KIRREL3: variants seen among roughly 807,000 people sequenced by gnomAD.
KIRREL3 encodes the protein kirre like nephrin family adhesion molecule 3, also known as kin of IRRE-like protein 3.
Under a neutral mutation model 89.7 loss-of-function variants are expected in KIRREL3, and 36 were observed. The ratio of observed to expected loss-of-function variants is 0.40; its 90% CI spans 0.31 to 0.53. The LOEUF is 0.53. Ranked by LOEUF, KIRREL3 falls within the 20% of genes least tolerant of loss-of-function variation. KIRREL3 has a pLI of 0.49. For missense variants in KIRREL3, 864 were observed against 1,056.6 expected (o/e 0.82, Z 2.53); for synonymous variants, 445 against 441.4 (o/e 1.01, Z -0.10).
chr11:126,984,387 T>C (rs753887859), intron 1 of KIRREL3, among the ~76,000 whole-genome samples: 41 of 151,676 alleles, frequency 2.7e-4, no homozygotes, highest in Non-Finnish European at 4.7e-4. Flanking sequence ...GGATGAGGAG[T>C]TGTGATGAGT....
chr11:126,886,787 A>G (rs944882078), intron 1 of KIRREL3, among the ~76,000 whole-genome samples: 4 of 152,124 alleles, frequency 2.6e-5, no homozygotes, highest in African/African-American at 9.7e-5. Flanking sequence ...CAGTGCCAGA[A>G]TGGGTTAGAT....
At chr11:126,663,023 A>G (rs923372634) in intron 1 of KIRREL3, among the ~76,000 whole-genome samples, 4 of 148,918 alleles carry the variant, frequency 2.7e-5, no homozygotes, top group African/African-American at 9.9e-5. Flanking sequence ...CAGAAATACT[A>G]TGGAAGAGCA....
At chr11:126,790,268 C>T (rs7115234) in intron 1 of KIRREL3, among the ~76,000 whole-genome samples, 80,600 of 152,030 alleles carry the variant, frequency 0.53, 21,678 homozygotes, top group African/African-American at 0.57. Context: ...TAGACGGACT[C>T]GGTCCACATG....
Position 126,473,386 on chromosome 11 carries a change from C to A in KIRREL3, c.514G>T (p.Ala172Ser). The A allele has an allele frequency of 6.3e-7, 1 of 1,584,048 alleles. No homozygotes were observed. Residue 172 changes from alanine to serine, a missense_variant, in exon 5 of 17, where the codon GCA (alanine) becomes TCA (serine). Ala to Ser is a moderately conservative substitution (Grantham distance 99). Coordinates refer to ENST00000525144, the MANE Select transcript of KIRREL3 (RefSeq NM_032531.4). ...AGDPLNLTCH[A>S]DNAKPAASII... is the part of the protein sequence containing the mutation. ...GAGGCTGCAGGCTTGGCATTGTCTG[C>A]GTGGCAGGTGAGGTTGAGAGGGTCC...
chr11:126,998,136 G>C (rs1484074874), intron 1 of KIRREL3, among the ~76,000 whole-genome samples: 1 of 152,218 alleles, frequency 6.6e-6, no homozygotes, highest in Non-Finnish European at 1.5e-5. Context: ...ACACTGGGTA[G>C]AGGTGGGGCA....
Position 126,560,599 on chromosome 11 carries a change from A to G in KIRREL3, c.133+2236T>C, listed in dbSNP as rs147371049. Among the ~76,000 whole-genome samples the G allele has an allele frequency of 7.7e-4, 118 of 152,348 alleles. 1 individual carries two copies. The highest frequency in any genetic ancestry group is 2.8e-3 in the African/African-American group (117 of 41,590). ...GAGGAGGGAGGAGTGGAGAGAGAAG[A>G]AAATAAAAGGACACCAAATTAACAG... On this transcript the variant is annotated intron_variant, in intron 2 of 16. Transcript: ENST00000525144.
intron 1 of KIRREL3, among the ~76,000 whole-genome samples, chr11:126,886,088 TC>T (rs1375406347): frequency 6.6e-6 from 1 of 152,192 alleles, no homozygotes; most frequent in East Asian, 1.9e-4. Flanking sequence ...GCTTTGATAC[TC>T]CCTGCCCACA....
Position 126,432,656 on chromosome 11 carries a change from G to A in KIRREL3, c.1589-1130C>T, listed in dbSNP as rs185017364. On this transcript the variant is annotated intron_variant, in intron 13 of 16. Transcript: ENST00000525144. The surrounding 1 kb of genome is among the most constrained non-coding windows in gnomAD (Gnocchi z 6.2). ...CCCCACATCTCATGTGCTCGGTACC[G>A]CCCAGACTGCTGCTGCTCCGAGTCC... 2.9e-4 allele frequency among the ~76,000 whole-genome samples: 44 copies of A among 151,430 alleles called. No individual in the cohort carries two copies. Among genetic ancestry groups the A allele is most frequent in the Non-Finnish European group, 4.7e-4 (32 of 67,900 alleles).
At chr11:126,644,305 C>T (rs1819076804) in intron 1 of KIRREL3, among the ~76,000 whole-genome samples, 1 of 151,912 alleles carries the variant, frequency 6.6e-6, no homozygotes, top group Admixed American at 6.6e-5. Flanking sequence ...CTGGAGCCAC[C>T]AAGGGAAGTG....
intron 1 of KIRREL3, among the ~76,000 whole-genome samples, chr11:126,923,757 C>T (rs952328575): frequency 3.3e-5 from 5 of 152,056 alleles, no homozygotes; most frequent in East Asian, 1.9e-4. Flanking sequence ...CTACTTCTTA[C>T]GTGATGGTCT....
At position 126,709,167 on chromosome 11, in the gene KIRREL3, G is replaced by A. The variant is rs1947658458; in HGVS notation, c.56-146255C>T. ...TTAATACCGTCAACGACCATATAAA[G>A]TGTGTTTGATTATCCTTAAGCAAAA... On this transcript the variant is annotated intron_variant, in intron 1 of 16. Coordinates refer to ENST00000525144, the MANE Select transcript of KIRREL3 (RefSeq NM_032531.4). This position sits in a 1 kb window ranked among gnomAD's most constrained non-coding sequence, Gnocchi z 4.0. 6.6e-6 allele frequency among the ~76,000 whole-genome samples: 1 copy of A among 152,234 alleles called. No homozygotes were observed. Among genetic ancestry groups the A allele is most frequent in the Non-Finnish European group, 1.5e-5 (1 of 68,048 alleles).
chr11:126,925,431 G>C (rs1947671607), intron 1 of KIRREL3, among the ~76,000 whole-genome samples: 1 of 152,194 alleles, frequency 6.6e-6, no homozygotes. Context: ...GATGACATAG[G>C]CCTGGAGACA....
chr11:126,654,173 T>C (rs1458763257), intron 1 of KIRREL3, among the ~76,000 whole-genome samples: 1 of 120,130 alleles, frequency 8.3e-6, no homozygotes, highest in Non-Finnish European at 1.9e-5. Context: ...GGCTCGTGGT[T>C]GGGACACCTG....
In KIRREL3 at chr11:126,709,580, T is replaced by G. The variant is rs1947676819; in HGVS notation, c.56-146668A>C. Reference sequence around the variant, plus strand: ...TTAAGTTAAAATGAGGTCATTAGGGTGCGTCCTAATCCTGCATGACTGGTG... The same window carrying G: ...TTAAGTTAAAATGAGGTCATTAGGGGGCGTCCTAATCCTGCATGACTGGTG... On this transcript the variant is annotated intron_variant, in intron 1 of 16. Transcript: ENST00000525144. This position sits in a 1 kb window ranked among gnomAD's most constrained non-coding sequence, Gnocchi z 4.0. 6.6e-6 allele frequency among the ~76,000 whole-genome samples: 1 copy of G among 152,114 alleles called. No homozygotes were observed. The highest frequency in any genetic ancestry group is 1.5e-5 in the Non-Finnish European group (1 of 68,024).
intron 2 of KIRREL3, among the ~76,000 whole-genome samples, chr11:126,534,210 G>A (rs1959030051): frequency 6.6e-6 from 1 of 151,698 alleles, no homozygotes; most frequent in African/African-American, 2.4e-5. Context: ...TGCCCTGTGG[G>A]GGAGAAGAGG....
chr11:126,794,800 T>C (rs1950752680), intron 1 of KIRREL3, among the ~76,000 whole-genome samples: 1 of 152,212 alleles, frequency 6.6e-6, no homozygotes, highest in Admixed American at 6.5e-5. Flanking sequence ...TCCATATGAA[T>C]GTCTATAACA....
Position 126,734,140 on chromosome 11 carries a change from T to G in KIRREL3, c.56-171228A>C, listed in dbSNP as rs998991996. 4.6e-5 allele frequency among the ~76,000 whole-genome samples: 7 copies of G among 152,102 alleles called. No individual in the cohort carries two copies. Among genetic ancestry groups the G allele is most frequent in the Non-Finnish European group, 1.0e-4 (7 of 68,026 alleles). On this transcript the variant is annotated intron_variant, in intron 1 of 16. Coordinates refer to ENST00000525144, the MANE Select transcript of KIRREL3 (RefSeq NM_032531.4). This position sits in a 1 kb window ranked among gnomAD's most constrained non-coding sequence, Gnocchi z 5.9. The stretch of plus-strand genomic sequence containing the variant: ...TAGGTGGTTTGTTTGAACACTGGAG[T>G]TTGGGAAGCACTGCACTAATGGAAA...
Position 126,496,032 on chromosome 11 carries a change from T to C in KIRREL3, c.434-22566A>G, listed in dbSNP as rs903924273. 2.6e-5 allele frequency among the ~76,000 whole-genome samples: 4 copies of C among 152,204 alleles called. No individual in the cohort carries two copies. Among genetic ancestry groups the C allele is most frequent in the African/African-American group, 7.2e-5 (3 of 41,452 alleles). On this transcript the variant is annotated intron_variant, in intron 4 of 16. Transcript: ENST00000525144. This position sits in a 1 kb window ranked among gnomAD's most constrained non-coding sequence, Gnocchi z 4.9. Reference sequence around the variant, plus strand: ...ATCTGCATAGCCCAGGCAACAGACATGTGACCCCAGCCCCTCCTATGTCTG... The same window carrying C: ...ATCTGCATAGCCCAGGCAACAGACACGTGACCCCAGCCCCTCCTATGTCTG...
In KIRREL3 at chr11:126,931,310, A is replaced by G. The variant is rs1482428127; in HGVS notation, c.55+69145T>C. On this transcript the variant is annotated intron_variant, in intron 1 of 16. Coordinates refer to ENST00000525144, the MANE Select transcript of KIRREL3 (RefSeq NM_032531.4). The surrounding 1 kb of genome is among the most constrained non-coding windows in gnomAD (Gnocchi z 5.1). The stretch of plus-strand genomic sequence containing the variant: ...CAAGATTGAATGAATGAATGAATGG[A>G]TAGACTGGAATCTATTACCTGCCTT... Among the ~76,000 whole-genome samples the G allele has an allele frequency of 6.6e-6, 1 of 151,754 alleles. No homozygotes were observed. The highest frequency in any genetic ancestry group is 1.5e-5 in the Non-Finnish European group (1 of 67,992).
Sources: allele counts gnomAD v4.1 joint callset (sites outside exome capture counted in the v4.1 genomes callset), GRCh38; gene constraint gnomAD v4.1.1; non-coding constraint Gnocchi (gnomAD v3.1); transcripts MANE v1.5; gene names NCBI Gene and HGNC (gene_info 2026-07-23, HGNC 2026-07-21).